The following GAB1 variants were observed in gnomAD, a reference collection of about 807,000 sequenced individuals.
GAB1 encodes the protein GRB2 associated binding protein 1.
A neutral mutation model predicts 66.5 loss-of-function variants in GAB1; 19 were observed. That is an observed-to-expected ratio of 0.29 (90% CI 0.20 to 0.42). The LOEUF is 0.42. Ranked by LOEUF, GAB1 falls within the 10% of genes least tolerant of loss-of-function variation. The probability of loss-of-function intolerance (pLI) is 1.00; values close to 1 mark genes in which losing one functional copy is unlikely to be tolerated. For synonymous variants in GAB1, 294 were observed against 301.4 expected (o/e 0.98, Z 0.25); for missense variants, 732 against 858.5 (o/e 0.85, Z 1.84).
chr4:143,467,159 C>G (rs931603746), intron 9 of GAB1, among the ~76,000 whole-genome samples: 3 of 152,162 alleles, frequency 2.0e-5, no homozygotes, highest in Non-Finnish European at 4.4e-5. Context: ...CTTGAGTTTA[C>G]AGTTCTTGAT....
intron 1 of GAB1, among the ~76,000 whole-genome samples, chr4:143,338,563 A>G (rs1455550740): frequency 6.6e-6 from 1 of 152,238 alleles, no homozygotes; most frequent in Non-Finnish European, 1.5e-5. Context: ...GCCACAAATC[A>G]TAAGAAAGCT....
At chr4:143,400,390 C>T (rs546942642) in intron 1 of GAB1, among the ~76,000 whole-genome samples, 2 of 152,206 alleles carry the variant, frequency 1.3e-5, no homozygotes, top group South Asian at 2.1e-4. Flanking sequence ...TGAAAGGAAA[C>T]GGAAGAAATT....
At chr4:143,437,432 G>A (rs1414377781) in intron 3 of GAB1, among the ~76,000 whole-genome samples, 1 of 152,156 alleles carries the variant, frequency 6.6e-6, no homozygotes, top group African/African-American at 2.4e-5. Context: ...TTGGCTAAAT[G>A]TTTGTTAAAG....
In GAB1 at chr4:143,469,243, C is replaced by A. The variant is rs1735965962; in HGVS notation, c.*54C>A. On this transcript the variant is annotated 3_prime_UTR_variant, in exon 10 of 10. Transcript: ENST00000262994. ...AGAAAACTGAATTGTAAAGATAAATCCCTTTTGAAGAATGACTTGACACTT... is the reference window on the plus strand; with the variant it reads ...AGAAAACTGAATTGTAAAGATAAATACCTTTTGAAGAATGACTTGACACTT... The A allele has an allele frequency of 1.3e-6, 2 of 1,569,546 alleles. No individual in the cohort carries two copies. The highest frequency in any genetic ancestry group is 1.7e-6 in the Non-Finnish European group (2 of 1,147,808).
intron 2 of GAB1, among the ~76,000 whole-genome samples, chr4:143,423,791 T>A (rs1351862004): frequency 2.3e-5 from 1 of 43,752 alleles, no homozygotes; most frequent in Non-Finnish European, 3.9e-5. Context: ...AAAAAAAAAG[T>A]GTATATATAT....
At chr4:143,445,913 A>C (rs1213573018) in intron 6 of GAB1, among the ~76,000 whole-genome samples, 1 of 152,164 alleles carries the variant, frequency 6.6e-6, no homozygotes, top group African/African-American at 2.4e-5. Flanking sequence ...ATTTAACATT[A>C]GGTATATCTC....
rs370794473 is a variant in GAB1, at chr4:143,337,277, G to T, written c.72+17G>T. ...AAGCGTTATGTAAGTAGAGCTGCGG[G>T]CACCACTCCGCGGGCCTCGGCGTCC... On this transcript the variant is annotated intron_variant, in intron 1 of 9. Coordinates refer to ENST00000262994, the MANE Select transcript of GAB1 (RefSeq NM_002039.4). 162 of 1,564,240 alleles carry T rather than the reference G, an allele frequency of 1.0e-4. No individual in the cohort carries two copies. Among genetic ancestry groups the T allele is most frequent in the Non-Finnish European group, 1.2e-4 (143 of 1,152,840 alleles).
chr4:143,421,077 G>C (rs1229947412), intron 2 of GAB1, among the ~76,000 whole-genome samples: 5 of 151,960 alleles, frequency 3.3e-5, no homozygotes, highest in Non-Finnish European at 7.4e-5. Flanking sequence ...GTTTTCTCAT[G>C]CCTCTTTCCA....
At chr4:143,362,711 C>T (rs576288668) in intron 1 of GAB1, among the ~76,000 whole-genome samples, 30 of 152,142 alleles carry the variant, frequency 2.0e-4, no homozygotes, top group South Asian at 6.2e-4. Context: ...CTTTCATAAC[C>T]GTCTTGGTTT....
At chr4:143,441,545 C>T (rs1184024106) in intron 6 of GAB1, among the ~76,000 whole-genome samples, 1 of 152,048 alleles carries the variant, frequency 6.6e-6, no homozygotes, top group Non-Finnish European at 1.5e-5. Context: ...GGATAACCTC[C>T]TCGTTTCAAC....
chr4:143,460,166 A>T (rs1049171289), intron 7 of GAB1, among the ~76,000 whole-genome samples, 198 bp from the exon 8 acceptor site: 3 of 152,188 alleles, frequency 2.0e-5, no homozygotes, highest in Admixed American at 2.0e-4. Context: ...TCCAAAATAC[A>T]CTTTTATAAT....
chr4:143,408,614 A>T (rs1405583552), intron 1 of GAB1, among the ~76,000 whole-genome samples: 1 of 152,160 alleles, frequency 6.6e-6, no homozygotes, highest in Non-Finnish European at 1.5e-5. Context: ...TGAATTGCCT[A>T]GCTTTATTGT....
intron 1 of GAB1, among the ~76,000 whole-genome samples, chr4:143,342,794 C>T (rs1343849859): frequency 6.6e-6 from 1 of 151,594 alleles, no homozygotes; most frequent in East Asian, 1.9e-4. Flanking sequence ...AACTCCTGAC[C>T]TCAGGTGATC....
At chr4:143,338,712 G>GGGGGGTGTGTGTGT (rs71588246) in intron 1 of GAB1, among the ~76,000 whole-genome samples, 1 of 149,288 alleles carries the variant, frequency 6.7e-6, no homozygotes, top group African/African-American at 2.5e-5. Context: ...GAAAGGTAGG[G>GGGGGGTGTGTGTGT]GTGTGTGTGT....
chr4:143,383,850 G>A (rs186707877), intron 1 of GAB1, among the ~76,000 whole-genome samples: 80 of 152,302 alleles, frequency 5.3e-4, no homozygotes, highest in African/African-American at 1.9e-3. Context: ...CGAGGTAGGA[G>A]GATCACTTGA....
intron 1 of GAB1, among the ~76,000 whole-genome samples, chr4:143,375,007 G>A (rs970066760): frequency 3.9e-5 from 6 of 152,190 alleles, no homozygotes; most frequent in East Asian, 1.9e-4. Flanking sequence ...GAGTGCAGTC[G>A]TGTGATCCTG....
In GAB1 at chr4:143,421,159, G is replaced by T. The variant is rs570294768; in HGVS notation, c.367+5388G>T. Among the ~76,000 whole-genome samples, 621 of 152,132 alleles carry T rather than the reference G, an allele frequency of 4.1e-3. 4 individuals carry two copies. Among genetic ancestry groups the T allele is most frequent in the African/African-American group, 0.014 (589 of 41,532 alleles). Reference sequence around the variant, plus strand: ...CTGTGGATTAGTTTGGCCTATTCTTGAACTTAGGAACCATTGAAACCATTA... The same window carrying T: ...CTGTGGATTAGTTTGGCCTATTCTTTAACTTAGGAACCATTGAAACCATTA... On this transcript the variant is annotated intron_variant, in intron 2 of 9. Coordinates refer to ENST00000262994, the MANE Select transcript of GAB1 (RefSeq NM_002039.4).
At chr4:143,389,678 ACT>A (rs1163665570) in intron 1 of GAB1, among the ~76,000 whole-genome samples, 10 of 152,104 alleles carry the variant, frequency 6.6e-5, no homozygotes, top group African/African-American at 2.4e-4. Context: ...CCCTCTCCTA[ACT>A]CTACTTTTGT....
At chr4:143,459,290 G>A in intron 6 of GAB1, 95 bp from the exon 7 acceptor site, 1 of 756,030 alleles carries the variant, frequency 1.3e-6, no homozygotes, top group Admixed American at 2.1e-5. Context: ...GGTTTACTCT[G>A]GCTATCAAAT....
Sources: allele counts gnomAD v4.1 joint callset (sites outside exome capture counted in the v4.1 genomes callset), GRCh38; gene constraint gnomAD v4.1.1; transcripts MANE v1.5; gene names NCBI Gene and HGNC (gene_info 2026-07-23, HGNC 2026-07-21).